The following CIAO3 variants were observed in gnomAD, a reference collection of about 807,000 sequenced individuals.
The protein encoded by CIAO3 is cytosolic iron-sulfur assembly component 3, also known as LET1 like/JFP15.
Under a neutral mutation model 51.5 loss-of-function variants are expected in CIAO3, and 45 were observed. The observed-to-expected ratio is 0.87, with a 90% confidence interval of 0.69 to 1.12. CIAO3 has a LOEUF of 1.12. Ranked by LOEUF, CIAO3 falls within the 50% of genes most tolerant of loss-of-function variation. The probability of loss-of-function intolerance (pLI) is 0.00; values close to 1 mark genes in which losing one functional copy is unlikely to be tolerated. For synonymous variants in CIAO3, 314 were observed against 269.3 expected, an observed-to-expected ratio of 1.17 and a Z score of -1.63; for missense variants, 668 against 632.5, an observed-to-expected ratio of 1.06 and a Z score of -0.60.
At chr16:733,845 C>A in intron 6 of CIAO3, 1 of 368,068 alleles carries the variant, frequency 2.7e-6, no homozygotes. Flanking sequence ...CCGGGGCCGC[C>A]CTCGCCCTCT....
In CIAO3 at chr16:737,166, C is replaced by A; in HGVS notation, c.306+20G>T. The A allele has an allele frequency of 6.2e-7, 1 of 1,613,358 alleles. No individual in the cohort carries two copies. The highest frequency in any genetic ancestry group is 1.1e-5 in the South Asian group (1 of 91,080). On this transcript the variant is annotated intron_variant, in intron 3 of 10. Transcript: ENST00000251588. This position sits in a 1 kb window ranked among gnomAD's most constrained non-coding sequence, Gnocchi z 5.3. ...TGGATTTCAGGTTAAAGCAGAGTCA[C>A]CAGGCCGACCACTGCTTACCTTGTT...
intron 1 of CIAO3, 35 bp from the exon 2 acceptor site, chr16:739,773 G>A (rs1390222339): frequency 6.3e-7 from 1 of 1,596,642 alleles, no homozygotes; most frequent in African/African-American, 1.3e-5. Flanking sequence ...CAGCCCCTGT[G>A]AGTGGGCGGA....
rs376966046 is a variant in CIAO3 at position 737,284 on chromosome 16, C to T, written c.208G>A (p.Asp70Asn). The T allele has an allele frequency of 9.9e-6, 16 of 1,613,294 alleles. No homozygotes were observed. Among genetic ancestry groups the T allele is most frequent in the East Asian group, 6.7e-5 (3 of 44,894 alleles). The change falls in exon 3 of 11, where the codon GAC (aspartate) becomes AAC (asparagine). Residue 70 changes from aspartate (D) to asparagine (N), a missense_variant. Asp to Asn is a conservative substitution (Grantham distance 23, BLOSUM62 1). Coordinates refer to ENST00000251588, the MANE Select transcript of CIAO3 (RefSeq NM_022493.3). This position sits in a 1 kb window ranked among gnomAD's most constrained non-coding sequence, Gnocchi z 5.3. ...ATGCAGCCGCTGCACGCCAGGCAGT[C>T]GTTTAGCGAGACCTTGGCCTTCTCC... The part of the protein sequence containing the change: ...RLEKAKVSLN[D>N]CLACSGCITS...
In CIAO3 at chr16:740,937, A is replaced by G; in HGVS notation, c.49T>C (p.Phe17Leu). 2.0e-6 allele frequency: 3 copies of G among 1,528,132 alleles called. No homozygotes were observed. Among genetic ancestry groups the G allele is most frequent in the Non-Finnish European group, 2.6e-6 (3 of 1,142,418 alleles). 94.7% of individuals were successfully genotyped at this position (1,528,132 alleles called of 1,614,324 possible). The change falls in exon 1 of 11, where the codon TTC becomes CTC. Residue 17 changes from phenylalanine to leucine, a missense_variant. Phe to Leu is a conservative substitution (Grantham distance 22). Coordinates refer to ENST00000251588, the MANE Select transcript of CIAO3 (RefSeq NM_022493.3). ...CGGCCCACCTGAGACGGCCCGATGA[A>G]GTCATCCAGGTCCGTCAGCTGCAGC... Reference protein sequence around the residue: ...GALQLTDLDDFIGPSQECIKP... With the variant: ...GALQLTDLDDLIGPSQECIKP...
chr16:734,158 T>C (rs2041313621), intron 6 of CIAO3, 71 bp downstream of exon 6: 5 of 1,363,888 alleles, frequency 3.7e-6, no homozygotes, highest in South Asian at 2.3e-5. Context: ...TGCAGCCTCA[T>C]GGCAAGAGGC....
chr16:734,405 C>T (rs951942461), intron 5 of CIAO3, 58 bp from the exon 6 acceptor site: 1 of 1,256,852 alleles, frequency 8.0e-7, no homozygotes, highest in Non-Finnish European at 1.1e-6. Flanking sequence ...CCCGCACCCA[C>T]AGGCAGCAGC....
At chr16:734,650 C>T (rs571570799) in intron 5 of CIAO3, 87 bp downstream of exon 5, 4 of 1,606,570 alleles carry the variant, frequency 2.5e-6, no homozygotes, top group South Asian at 2.2e-5. Context: ...ACCCCCCATG[C>T]CCCCGCCTTG....
rs753783397 is a variant in CIAO3, at chr16:730,264, G to A, written c.*153C>T. 2.4e-4 allele frequency: 179 copies of A among 742,504 alleles called. No homozygotes were observed. The highest frequency in any genetic ancestry group is 3.6e-4 in the Non-Finnish European group (163 of 458,288). 46.0% of individuals were successfully genotyped at this position (742,504 alleles called of 1,614,324 possible). A position where few individuals can be genotyped will look rare whatever the true frequency, so the allele number is the denominator to read the frequency against. On this transcript the variant is annotated 3_prime_UTR_variant, in exon 11 of 11. Transcript: ENST00000251588. ...GGCACCCAACTGGAGGTGACGAGGC[G>A]GCTGCGGGTCCTGGCTAGTCCTAGC...
chr16:729,874 C>A lies in CIAO3; in HGVS notation c.*543G>T. ...TGGCTGCTGCTTCGTACTTGGCTTG[C>A]CCCGGACCACAGCCTCGTAACGGTA... On this transcript the variant is annotated 3_prime_UTR_variant, in exon 11 of 11. Transcript: ENST00000251588. 3 of 445,066 alleles carry A rather than the reference C, an allele frequency of 6.7e-6. No homozygotes were observed. The highest frequency in any genetic ancestry group is 1.1e-5 in the Non-Finnish European group (3 of 264,426). The allele number at this position is 445,066 out of a possible 1,614,324, so 27.6% of individuals were successfully genotyped here.
intron 2 of CIAO3, 167 bp downstream of exon 2, chr16:739,476 C>A: frequency 4.4e-6 from 3 of 677,116 alleles, no homozygotes; most frequent in Non-Finnish European, 7.8e-6. Flanking sequence ...CTGCCCCAGG[C>A]ACCCTGACCC....
intron 6 of CIAO3, 81 bp downstream of exon 6, chr16:734,148 T>A: frequency 7.9e-7 from 1 of 1,260,560 alleles, no homozygotes; most frequent in Non-Finnish European, 1.1e-6. Flanking sequence ...CTCTGTTTCC[T>A]GCAGCCTCAT....
rs1368175671 is a variant in CIAO3, at chr16:730,258, C to T, written c.*159G>A. On this transcript the variant is annotated 3_prime_UTR_variant, in exon 11 of 11. Transcript: ENST00000251588. ...CCCAGAGGCACCCAACTGGAGGTGACGAGGCGGCTGCGGGTCCTGGCTAGT... is the reference window on the plus strand; with the variant it reads ...CCCAGAGGCACCCAACTGGAGGTGATGAGGCGGCTGCGGGTCCTGGCTAGT... 1.1e-5 allele frequency: 8 copies of T among 710,744 alleles called. 1 individual carries two copies. The highest frequency in any genetic ancestry group is 5.5e-5 in the South Asian group (3 of 54,650). The allele number at this position is 710,744 out of a possible 1,614,324, so 44.0% of individuals were successfully genotyped here.
Position 739,701 on chromosome 16 carries a change from C to G in CIAO3, c.104G>C (p.Gly35Ala). The part of the protein sequence containing the change: ...IKPVKVEKRA[G>A]SGVAKIRIED... ...AATGCGAATCTTGGCCACGCCACTTCCCGCCCTTTTTTCCACTTTGACAGG... is the reference window on the plus strand; with the variant it reads ...AATGCGAATCTTGGCCACGCCACTTGCCGCCCTTTTTTCCACTTTGACAGG... The change falls in exon 2 of 11, where the codon GGA becomes GCA. Residue 35 changes from glycine (G) to alanine (A), a missense_variant. Gly to Ala is a moderately conservative substitution (Grantham distance 60). Coordinates refer to ENST00000251588, the MANE Select transcript of CIAO3 (RefSeq NM_022493.3). The G allele has an allele frequency of 6.2e-7, 1 of 1,614,098 alleles. No homozygotes were observed.
chr16:731,811 A>G, intron 8 of CIAO3, 109 bp from the exon 9 acceptor site: 1 of 1,371,872 alleles, frequency 7.3e-7, no homozygotes, highest in South Asian at 1.6e-5. Flanking sequence ...GGTGGGAGAC[A>G]AGTCACAGAC....
At chr16:740,572 T>C in intron 1 of CIAO3, 1 of 378,624 alleles carries the variant, frequency 2.6e-6, no homozygotes, top group Non-Finnish European at 4.9e-6. Context: ...GGGGTCGGGT[T>C]AGGGTTAGGG....
At chr16:734,377 CG>C in intron 5 of CIAO3, 30 bp from the exon 6 acceptor site, 2 of 1,516,582 alleles carry the variant, frequency 1.3e-6, no homozygotes. Flanking sequence ...ACGGGGCTGG[CG>C]GGGGCGCACG....
Position 730,851 on chromosome 16 carries a change from C to G in CIAO3, c.1184G>C (p.Cys395Ser), listed in dbSNP as rs1338593861. Residue 395 changes from cysteine (C) to serine (S), a missense_variant, in exon 10 of 11, where the codon TGC (cysteine) becomes TCC (serine). Physicochemically the swap from Cys to Ser is moderately radical, Grantham distance 112 (BLOSUM62 -1). Transcript: ENST00000251588. ...CPYHYVEVMA[C>S]PSGCLNGGGQ... Reference sequence around the variant, plus strand: ...TCCCTTGCAGGAGCTACCTGAGGGGCAGGCCATGACCTCCACGTAGTGGTA... The same window carrying G: ...TCCCTTGCAGGAGCTACCTGAGGGGGAGGCCATGACCTCCACGTAGTGGTA... The G allele has an allele frequency of 6.2e-7, 1 of 1,612,664 alleles. No individual in the cohort carries two copies. Among genetic ancestry groups the G allele is most frequent in the African/African-American group, 1.3e-5 (1 of 75,068 alleles).
intron 5 of CIAO3, 89 bp from the exon 6 acceptor site, chr16:734,436 C>A: frequency 2.1e-6 from 2 of 961,998 alleles, no homozygotes; most frequent in Non-Finnish European, 3.2e-6. Context: ...GGGGGCGGGC[C>A]CGCTCATACA....
At chr16:740,667 G>A (rs941515020) in intron 1 of CIAO3, 5 of 531,300 alleles carry the variant, frequency 9.4e-6, no homozygotes, top group African/African-American at 6.1e-5. Context: ...CACGCAGCCC[G>A]CCCGGACACC....
Sources: gnomAD v4.1 joint callset for allele counts on GRCh38, gnomAD v4.1.1 for gene constraint, Gnocchi (gnomAD v3.1) non-coding constraint, MANE v1.5 for transcripts, NCBI Gene and HGNC (gene_info 2026-07-23, HGNC 2026-07-21) for gene names.